Variants in DDX54 observed in about 807,000 individuals in gnomAD.
DDX54 encodes DEAD-box helicase 54, also known as ATP-dependent RNA helicase DDX54.
In DDX54, 67 loss-of-function variants were observed where a neutral mutation model predicts 105.5. The ratio of observed to expected loss-of-function variants is 0.64; its 90% CI spans 0.52 to 0.78. The LOEUF (loss-of-function observed/expected upper bound fraction) is 0.78. Among genes scored for constraint, DDX54 ranks in the 30% least tolerant of loss-of-function variants. DDX54 has a pLI of 0.00. For synonymous variants in DDX54, 514 were observed against 509.9 expected, an observed-to-expected ratio of 1.01 and a Z score of -0.11; for missense variants, 1,206 against 1,230.5, an observed-to-expected ratio of 0.98 and a Z score of 0.30.
chr12:113,169,716 A>C lies in DDX54; in HGVS notation c.1414+54T>G. On this transcript the variant is annotated intron_variant, in intron 12 of 19. Coordinates refer to ENST00000306014, the MANE Select transcript of DDX54 (RefSeq NM_024072.4). ...CAGCCCTACCTCCTCCCACAGCCAA[A>C]ACAGGGCCCATGAACTCCACGGGGA... The C allele has an allele frequency of 1.9e-6, 3 of 1,586,410 alleles. No homozygotes were observed. The East Asian group carries it at 6.8e-5, about 36-fold the overall frequency.
At position 113,164,155 on chromosome 12, in the gene DDX54, C is replaced by T. The variant is rs370023315; in HGVS notation, c.1850G>A (p.Gly617Asp). ...GQQGRQEQQE[G>D]PVGPAPSRPA... ...GCGGCTCGGGGCTGGGCCCACTGGGCCCTCCTGCTGCTCCTGCCGCCCCTG... is the reference window on the plus strand; with the variant it reads ...GCGGCTCGGGGCTGGGCCCACTGGGTCCTCCTGCTGCTCCTGCCGCCCCTG... The change falls in exon 15 of 20, where the codon GGC (glycine) becomes GAC (aspartate). Residue 617 changes from glycine (G) to aspartate (D), a missense_variant. Gly to Asp is a moderately conservative substitution (Grantham distance 94). This residue lies in a region of DDX54 where 961 missense variants were observed against 1,019.1 expected (regional missense o/e 0.94). Coordinates refer to ENST00000306014, the MANE Select transcript of DDX54 (RefSeq NM_024072.4). 3.7e-5 allele frequency: 58 copies of T among 1,554,758 alleles called. No individual in the cohort carries two copies. Among genetic ancestry groups the T allele is most frequent in the African/African-American group, 2.6e-4 (19 of 73,632 alleles).
At chr12:113,183,385 G>C (rs1435893845) in intron 1 of DDX54, among the ~76,000 whole-genome samples, 1 of 152,232 alleles carries the variant, frequency 6.6e-6, no homozygotes, top group Non-Finnish European at 1.5e-5. Flanking sequence ...ACCTTTAGTA[G>C]TTTCTCTACA....
chr12:113,162,138 T>C (rs1952215941), intron 17 of DDX54, 141 bp from the exon 18 acceptor site: 2 of 739,900 alleles, frequency 2.7e-6, no homozygotes, highest in Non-Finnish European at 4.6e-6. Context: ...ATGTCTGGCA[T>C]GCAGTTGGCG....
intron 2 of DDX54, among the ~76,000 whole-genome samples, chr12:113,180,584 C>G (rs996778400): frequency 6.6e-6 from 1 of 152,244 alleles, no homozygotes; most frequent in African/African-American, 2.4e-5. Context: ...TAAAGAGTAA[C>G]AGAGTCAGGC....
At chr12:113,161,806 C>T (rs1952211905) in intron 18 of DDX54, 87 bp downstream of exon 18, 1 of 241,010 alleles carries the variant, frequency 4.1e-6, no homozygotes, top group Non-Finnish European at 8.1e-6. Context: ...CCCGCCCCCG[C>T]CCCCGCCCCC....
rs1393526115 is a variant in DDX54, at chr12:113,157,387, T to C, written c.*1490A>G. 9 of 586,224 alleles carry C rather than the reference T, an allele frequency of 1.5e-5. No homozygotes were observed. Among genetic ancestry groups the C allele is most frequent in the Non-Finnish European group, 2.4e-5 (8 of 327,452 alleles). The allele number at this position is 586,224 out of a possible 1,614,324, so 36.3% of individuals were successfully genotyped here. On this transcript the variant is annotated 3_prime_UTR_variant, in exon 20 of 20. Transcript: ENST00000306014. ...GCGAGGAAGCTGTGAAGGTGTCTGC[T>C]CACGCAGCAGTTGGGAAGGTTGGCC...
chr12:113,164,212 C>CG lies in DDX54; in HGVS notation c.1792dup (p.Arg598ProfsTer37). 1.9e-6 allele frequency: 3 copies of CG among 1,584,394 alleles called. No individual in the cohort carries two copies. Among genetic ancestry groups the CG allele is most frequent in the Non-Finnish European group, 2.6e-6 (3 of 1,166,256 alleles). On this transcript the variant is annotated frameshift_variant, in exon 15 of 20. Coordinates refer to ENST00000306014, the MANE Select transcript of DDX54 (RefSeq NM_024072.4). LOFTEE classifies it high-confidence loss of function. ...CTGCTGGAAGCGGGCGATGGCCTTG[C>CG]GGTCCTTCTGCCGCTTGGCGCGCAT... is the stretch of plus-strand genomic sequence containing the variant.
intron 17 of DDX54, 79 bp downstream of exon 17, chr12:113,162,853 C>T: frequency 7.2e-6 from 10 of 1,392,450 alleles, no homozygotes; most frequent in Non-Finnish European, 9.6e-6. Flanking sequence ...CTCACTCGAT[C>T]ACTCACCCCA....
intron 11 of DDX54, among the ~76,000 whole-genome samples, chr12:113,172,081 T>C (rs147669580): frequency 4.4e-4 from 67 of 151,910 alleles, no homozygotes; most frequent in African/African-American, 1.6e-3. Flanking sequence ...GTATGGGTGC[T>C]ATTGTAAAGT....
chr12:113,179,972 T>C lies in DDX54; in HGVS notation c.338A>G (p.Lys113Arg). The C allele has an allele frequency of 1.9e-6, 3 of 1,614,114 alleles. No homozygotes were observed. Among genetic ancestry groups the C allele is most frequent in the Non-Finnish European group, 2.5e-6 (3 of 1,180,020 alleles). ...GGGTGTTGGCACCTTGTACCCCTTC[T>C]TCATGATGCCTTTGAACACCGGGTA... ...LSYPVFKGIM[K>R]KGYKVPTPIQ... Residue 113 changes from lysine (K) to arginine (R), a missense_variant, in exon 3 of 20, where the codon AAG becomes AGG. Lys to Arg is a conservative substitution (Grantham distance 26). Transcript: ENST00000306014.
At position 113,165,879 on chromosome 12, in the gene DDX54, C is replaced by T. The variant is rs138126139; in HGVS notation, c.1568G>A (p.Arg523His). The change falls in exon 13 of 20, where the codon CGC (arginine) becomes CAC (histidine). Residue 523 changes from arginine (R) to histidine (H), a missense_variant. Coordinates refer to ENST00000306014, the MANE Select transcript of DDX54 (RefSeq NM_024072.4). ...DNAQQQYVRS[R>H]PAPSPESIKR... ...GATGGACTCAGGCGAGGGCGCCGGG[C>T]GTGAGCGCACATACTGCTGCTGGGC... 16 of 1,613,648 alleles carry T rather than the reference C, an allele frequency of 9.9e-6. No homozygotes were observed. The highest frequency in any genetic ancestry group is 1.7e-4 in the Middle Eastern group (1 of 6,058).
chr12:113,168,132 T>A (rs1223646209), intron 12 of DDX54, among the ~76,000 whole-genome samples: 3 of 152,262 alleles, frequency 2.0e-5, no homozygotes. Flanking sequence ...CCCTTGCATC[T>A]GACCCCAGAC....
chr12:113,159,361 G>C, intron 19 of DDX54: 1 of 496,258 alleles, frequency 2.0e-6, no homozygotes, highest in Non-Finnish European at 3.5e-6. Context: ...GAAGTTAACG[G>C]CTCTGTGCCT....
At position 113,180,980 on chromosome 12, in the gene DDX54, C is replaced by G. The variant is rs543220332; in HGVS notation, c.253G>C (p.Val85Leu). The change falls in exon 2 of 20, where the codon GTG (valine) becomes CTG (leucine). Residue 85 changes from valine (V) to leucine (L), a missense_variant. By Grantham distance (32) the Val-to-Leu change is conservative. Around this residue, in one of 3 missense-constraint regions of DDX54, gnomAD observed 212 missense variants for 155.4 expected, o/e 1.36. Transcript: ENST00000306014. The stretch of plus-strand genomic sequence containing the variant: ...TTCTTCTTCTTGTTCTGGGCACGCA[C>G]CATCTCCCGGGTGTCCGGCTCCACA... Reference protein sequence around the residue: ...SDVEPDTREMVRAQNKKKKKS... With the variant: ...SDVEPDTREMLRAQNKKKKKS... The G allele has an allele frequency of 9.9e-6, 16 of 1,613,780 alleles. No homozygotes were observed. Among genetic ancestry groups the G allele is most frequent in the African/African-American group, 1.3e-5 (1 of 75,030 alleles).
At chr12:113,177,430 A>T in intron 5 of DDX54, 1 of 271,880 alleles carries the variant, frequency 3.7e-6, no homozygotes. Flanking sequence ...ACCAGCCCCA[A>T]CTAGAACCCA....
In DDX54 at chr12:113,165,810, G is replaced by A; in HGVS notation, c.1637C>T (p.Pro546Leu). 1 of 1,603,798 alleles carries A rather than the reference G, an allele frequency of 6.2e-7. No individual in the cohort carries two copies. The highest frequency in any genetic ancestry group is 8.5e-7 in the Non-Finnish European group (1 of 1,172,914). ...EMDLVGLGLH[P>L]LFSSRFEEEE... is the part of the protein sequence containing the mutation. ...CTTGTAGAAGGACTCACTGAAGAGG[G>A]GGTGCAGGCCCAGCCCCACAAGGTC... is the stretch of plus-strand genomic sequence containing the variant. The change falls in exon 13 of 20, where the codon CCC (proline) becomes CTC (leucine). Residue 546 changes from proline (P) to leucine (L), a missense_variant. Pro to Leu is a moderately conservative substitution (Grantham distance 98). Coordinates refer to ENST00000306014, the MANE Select transcript of DDX54 (RefSeq NM_024072.4).
At position 113,157,635 on chromosome 12, in the gene DDX54, C is replaced by G; in HGVS notation, c.*1242G>C. On this transcript the variant is annotated 3_prime_UTR_variant, in exon 20 of 20. Transcript: ENST00000306014. ...GTTCATGCAGGACCTCTCTGCCATG[C>G]TGGCCGGCCTGGGTCAGGCTGAGCC... is the stretch of plus-strand genomic sequence containing the variant. 6.4e-7 allele frequency: 1 copy of G among 1,551,664 alleles called. No individual in the cohort carries two copies. Among genetic ancestry groups the G allele is most frequent in the African/African-American group, 1.4e-5 (1 of 73,192 alleles).
chr12:113,173,394 T>C (rs1952360736), intron 10 of DDX54, among the ~76,000 whole-genome samples: 1 of 152,150 alleles, frequency 6.6e-6, no homozygotes, highest in Non-Finnish European at 1.5e-5. Context: ...TTTGGTCTTA[T>C]TCACTGGTGA....
chr12:113,179,222 C>A lies in DDX54; in HGVS notation c.485G>T (p.Ser162Ile). Residue 162 changes from serine (S) to isoleucine (I), a missense_variant, in exon 4 of 20, where the codon AGT becomes ATT. Around this residue, in one of 3 missense-constraint regions of DDX54, gnomAD observed 961 missense variants for 1,019.1 expected, o/e 0.94. Transcript: ENST00000306014. Reference protein sequence around the residue: ...LPMFERLKTHSAQTGARALIL... With the variant: ...LPMFERLKTHIAQTGARALIL... ...GAGGGCGCGGGCCCCGGTCTGGGCA[C>A]TGTGGGTCTTGAGCCGCTCGAACAT... is the stretch of plus-strand genomic sequence containing the variant. The A allele has an allele frequency of 6.2e-7, 1 of 1,614,174 alleles. No individual in the cohort carries two copies. The highest frequency in any genetic ancestry group is 8.5e-7 in the Non-Finnish European group (1 of 1,180,028).
Sources: allele counts gnomAD v4.1 joint callset (sites outside exome capture counted in the v4.1 genomes callset), GRCh38; gene constraint gnomAD v4.1.1; regional missense constraint gnomAD v4.1.1; transcripts MANE v1.5; gene names NCBI Gene and HGNC (gene_info 2026-07-23, HGNC 2026-07-21).